Variants in RANBP17 observed in about 807,000 individuals in gnomAD.
The protein encoded by RANBP17 is ran-binding protein 17.
A neutral mutation model predicts 141.2 loss-of-function variants in RANBP17; 158 were observed. The observed-to-expected ratio is 1.12, with a 90% CI of 0.98 to 1.28. RANBP17 has a LOEUF of 1.28. Among genes scored for constraint, RANBP17 ranks in the 50% most tolerant of loss-of-function variants. The pLI is 0.00. For synonymous variants in RANBP17, 430 were observed against 450.0 expected, an observed-to-expected ratio of 0.96 and a Z score of 0.56; for missense variants, 1,438 against 1,290.7, an observed-to-expected ratio of 1.11 and a Z score of -1.75.
chr5:171,082,114 T>A (rs1467864277), intron 14 of RANBP17, among the ~76,000 whole-genome samples: 1 of 152,168 alleles, frequency 6.6e-6, no homozygotes, highest in East Asian at 1.9e-4. Flanking sequence ...AAAGCAGATA[T>A]TTTTCTAATA....
At chr5:170,969,323 T>A (rs559053225) in intron 14 of RANBP17, among the ~76,000 whole-genome samples, 1 of 151,958 alleles carries the variant, frequency 6.6e-6, no homozygotes, top group East Asian at 1.9e-4. Context: ...TAAAATTCTC[T>A]TAGAATTTAG....
chr5:170,892,950 A>G (rs949392303), intron 4 of RANBP17, among the ~76,000 whole-genome samples: 5 of 152,196 alleles, frequency 3.3e-5, no homozygotes, highest in African/African-American at 1.2e-4. Flanking sequence ...AATTTCTGTA[A>G]GATTGCATAG....
intron 14 of RANBP17, among the ~76,000 whole-genome samples, chr5:171,019,341 C>T (rs971913453): frequency 4.6e-5 from 7 of 152,066 alleles, no homozygotes; most frequent in African/African-American, 1.7e-4. Flanking sequence ...GGTGCCAACT[C>T]CTTTTTGTAC....
chr5:171,092,444 T>C (rs920859025), intron 14 of RANBP17, among the ~76,000 whole-genome samples: 7 of 152,194 alleles, frequency 4.6e-5, no homozygotes, highest in Non-Finnish European at 5.9e-5. Flanking sequence ...ATAGTCACCT[T>C]TCATAATAGT....
intron 14 of RANBP17, among the ~76,000 whole-genome samples, chr5:170,984,215 C>T (rs1777960558): frequency 6.6e-6 from 1 of 152,066 alleles, no homozygotes; most frequent in South Asian, 2.1e-4. Flanking sequence ...TACAGACTGA[C>T]CAGTTTGTCA....
intron 14 of RANBP17, among the ~76,000 whole-genome samples, chr5:171,094,051 G>C (rs1786500932): frequency 6.6e-6 from 1 of 152,172 alleles, no homozygotes; most frequent in Non-Finnish European, 1.5e-5. Flanking sequence ...TGAAAGTACA[G>C]TTTACCAGCA....
chr5:170,954,531 C>CAA (rs1301917484), intron 13 of RANBP17, among the ~76,000 whole-genome samples: 1 of 151,374 alleles, frequency 6.6e-6, no homozygotes, highest in African/African-American at 2.4e-5. Context: ...CACACACACA[C>CAA]ACACACACAC....
rs549226071 is a variant in RANBP17, at chr5:170,993,288, A to G, written c.1710+24911A>G. Among the ~76,000 whole-genome samples the G allele has an allele frequency of 2.6e-5, 4 of 152,138 alleles. No homozygotes were observed. In the South Asian group the frequency reaches 6.2e-4, roughly 24 times the overall value. The stretch of plus-strand genomic sequence containing the variant: ...TTTAAATTGTTTTAAATTTTCTCCT[A>G]ATGACTTTTCAGAAAACTGCAATCA... On this transcript the variant is annotated intron_variant, in intron 14 of 27. Transcript: ENST00000523189.
chr5:171,211,068 A>T (rs1209783899), intron 20 of RANBP17, among the ~76,000 whole-genome samples: 2 of 150,704 alleles, frequency 1.3e-5, no homozygotes, highest in Non-Finnish European at 3.0e-5. Flanking sequence ...CATAGTACAT[A>T]GCACATGGTA....
intron 14 of RANBP17, among the ~76,000 whole-genome samples, chr5:171,108,017 G>A (rs183345442): frequency 6.6e-6 from 1 of 152,292 alleles, no homozygotes; most frequent in East Asian, 1.9e-4. Flanking sequence ...GTAGCAGAAT[G>A]TTCTATTGGC....
chr5:170,911,541 A>G, intron 7 of RANBP17: 1 of 729,068 alleles, frequency 1.4e-6, no homozygotes, highest in East Asian at 2.5e-5. Flanking sequence ...GAAGGTCTTG[A>G]AACTGGTCCT....
intron 25 of RANBP17, among the ~76,000 whole-genome samples, chr5:171,281,850 T>A (rs1353822000): frequency 6.6e-6 from 1 of 152,226 alleles, no homozygotes; most frequent in Non-Finnish European, 1.5e-5. Flanking sequence ...TAGCCTGTTT[T>A]GGAGACTGCA....
chr5:171,179,358 G>A (rs1760731975), intron 16 of RANBP17, among the ~76,000 whole-genome samples: 2 of 151,878 alleles, frequency 1.3e-5, no homozygotes, highest in South Asian at 4.1e-4. Context: ...TTGTCTGTTT[G>A]TGTGTGTGTA....
chr5:171,051,580 T>C (rs1197936379), intron 14 of RANBP17, among the ~76,000 whole-genome samples: 2 of 152,210 alleles, frequency 1.3e-5, no homozygotes, highest in Non-Finnish European at 2.9e-5. Flanking sequence ...TTTTTATGGC[T>C]GAATACTATT....
intron 14 of RANBP17, among the ~76,000 whole-genome samples, chr5:171,161,072 G>A (rs1294493075): frequency 6.6e-6 from 1 of 152,176 alleles, no homozygotes; most frequent in South Asian, 2.1e-4. Context: ...GATTACAGGC[G>A]TGAGCCACCG....
intron 22 of RANBP17, among the ~76,000 whole-genome samples, chr5:171,228,603 TAACA>T (rs1225596620): frequency 1.3e-5 from 2 of 152,208 alleles, no homozygotes; most frequent in Non-Finnish European, 2.9e-5. Flanking sequence ...GGTCAAATGC[TAACA>T]AACAGCATTG....
At chr5:170,901,930 C>A (rs1354694118) in intron 5 of RANBP17, among the ~76,000 whole-genome samples, 71 of 152,168 alleles carry the variant, frequency 4.7e-4, no homozygotes, top group Admixed American at 4.1e-3. Flanking sequence ...GTAACCCAAC[C>A]TTTCTCTCTG....
intron 14 of RANBP17, among the ~76,000 whole-genome samples, chr5:171,017,400 C>A (rs1780518483): frequency 6.6e-6 from 1 of 152,116 alleles, no homozygotes; most frequent in Non-Finnish European, 1.5e-5. Flanking sequence ...TTTCTCCACA[C>A]CCTCGCCAGC....
In RANBP17 at chr5:171,107,724, A is replaced by G. The variant is rs181765505; in HGVS notation, c.1711-62406A>G. ...ATTGATTTCTATATTTATTAGAATG[A>G]AAAGGGAAATCTTGCCTTACAAGGG... On this transcript the variant is annotated intron_variant, in intron 14 of 27. Coordinates refer to ENST00000523189, the MANE Select transcript of RANBP17 (RefSeq NM_022897.5). Among the ~76,000 whole-genome samples, 11 of 152,316 alleles carry G rather than the reference A, an allele frequency of 7.2e-5. No homozygotes were observed. The East Asian group carries it at 1.9e-3, about 27-fold the overall frequency.
Sources: gnomAD v4.1 joint callset for allele counts (sites outside exome capture counted in the v4.1 genomes callset) on GRCh38, gnomAD v4.1.1 for gene constraint, MANE v1.5 for transcripts, NCBI Gene and HGNC (gene_info 2026-07-23, HGNC 2026-07-21) for gene names.